The following MIS18A variants were observed in gnomAD, a reference collection of about 807,000 sequenced individuals.
MIS18A encodes the protein protein Mis18-alpha.
A neutral mutation model predicts 25.0 loss-of-function variants in MIS18A; 14 were observed. The ratio of observed to expected loss-of-function variants is 0.56; its 90% CI spans 0.37 to 0.88. The LOEUF (loss-of-function observed/expected upper bound fraction) is 0.88. Among genes scored for constraint, MIS18A ranks in the 40% least tolerant of loss-of-function variants. The pLI, the probability that MIS18A is intolerant of heterozygous loss-of-function variation, is 0.00. For synonymous variants in MIS18A, 134 were observed against 118.6 expected, an observed-to-expected ratio of 1.13 and a Z score of -0.84; for missense variants, 292 against 290.8, an observed-to-expected ratio of 1.00 and a Z score of -0.03.
chr21:32,174,748 T>G, the MIS18A span, among the ~76,000 whole-genome samples: 1 of 145,932 alleles, frequency 6.9e-6, no homozygotes, highest in East Asian at 2.0e-4. Flanking sequence ...TGATGAAAAC[T>G]TGAACATGAT....
the MIS18A span, among the ~76,000 whole-genome samples, chr21:32,236,601 C>T: frequency 6.6e-6 from 1 of 152,180 alleles, no homozygotes; most frequent in Non-Finnish European, 1.5e-5. Context: ...CAGAGCATCA[C>T]TCTTGTCTGG....
At chr21:32,219,851 A>G in the MIS18A span, among the ~76,000 whole-genome samples, 1 of 152,166 alleles carries the variant, frequency 6.6e-6, no homozygotes, top group African/African-American at 2.4e-5. Context: ...GTGTAAACAA[A>G]GCCTTAGGGA....
downstream of MIS18A, among the ~76,000 whole-genome samples, chr21:32,265,214 G>T (rs2031570791): frequency 6.6e-6 from 1 of 152,172 alleles, no homozygotes; most frequent in Non-Finnish European, 1.5e-5. Context: ...CCCCTGCCTG[G>T]GCTCCCACTT....
the MIS18A span, among the ~76,000 whole-genome samples, chr21:32,198,712 G>A: frequency 6.6e-6 from 1 of 152,234 alleles, no homozygotes; most frequent in East Asian, 1.9e-4. Context: ...GGCCCCAGAG[G>A]GCAAAGGGGC....
At chr21:32,217,962 G>A in the MIS18A span, among the ~76,000 whole-genome samples, 330 of 152,174 alleles carry the variant, frequency 2.2e-3, 3 homozygotes, top group African/African-American at 7.2e-3. Flanking sequence ...GGGAGGCTGA[G>A]GCGGGCGGAT....
At chr21:32,220,576 C>T in the MIS18A span, among the ~76,000 whole-genome samples, 1 of 152,050 alleles carries the variant, frequency 6.6e-6, no homozygotes, top group East Asian at 1.9e-4. Context: ...TCTTCTCCTC[C>T]AAAAGATCAC....
At chr21:32,252,239 A>AAGAAAG in the MIS18A span, among the ~76,000 whole-genome samples, 3 of 57,084 alleles carry the variant, frequency 5.3e-5, no homozygotes, top group Non-Finnish European at 1.0e-4. Context: ...GAAGAAGAAG[A>AAGAAAG]AGGAGGAGGA....
chr21:32,231,006 G>A, the MIS18A span, among the ~76,000 whole-genome samples: 1 of 151,928 alleles, frequency 6.6e-6, no homozygotes, highest in Admixed American at 6.6e-5. Context: ...AGGCTGAGGT[G>A]GGCAGACCAC....
At chr21:32,217,086 T>C in the MIS18A span, among the ~76,000 whole-genome samples, 1 of 151,824 alleles carries the variant, frequency 6.6e-6, no homozygotes, top group African/African-American at 2.4e-5. Flanking sequence ...TTATGAGACA[T>C]ACAAAGAAAC....
At chr21:32,255,301 G>A in the MIS18A span, among the ~76,000 whole-genome samples, 1 of 151,706 alleles carries the variant, frequency 6.6e-6, no homozygotes, top group African/African-American at 2.4e-5. Context: ...TGTAATCTTG[G>A]CTCACTGCAA....
At chr21:32,278,094 A>C (rs2031849797) in intron 1 of MIS18A, 2 of 152,336 alleles carry the variant, frequency 1.3e-5, no homozygotes, top group African/African-American at 4.8e-5. Context: ...GGTAAGAGGT[A>C]ACTGCTAGAA....
At chr21:32,154,989 A>G in the MIS18A span, among the ~76,000 whole-genome samples, 2 of 152,258 alleles carry the variant, frequency 1.3e-5, no homozygotes, top group African/African-American at 2.4e-5. Flanking sequence ...TTTTTGTTAC[A>G]GACTTACAGC....
chr21:32,269,644 G>A (rs777336738), intron 4 of MIS18A, 63 bp downstream of exon 4: 66 of 931,462 alleles, frequency 7.1e-5, no homozygotes, highest in East Asian at 2.8e-4. Flanking sequence ...TCGTTTGTGG[G>A]GGAGCACTTC....
chr21:32,264,599 CT>C (rs926859362), downstream of MIS18A, among the ~76,000 whole-genome samples: 4 of 152,252 alleles, frequency 2.6e-5, no homozygotes, highest in African/African-American at 4.8e-5. Context: ...TGATTTGCCC[CT>C]GATCACATGG....
At chr21:32,186,814 A>G in the MIS18A span, among the ~76,000 whole-genome samples, 2 of 152,302 alleles carry the variant, frequency 1.3e-5, no homozygotes, top group South Asian at 4.1e-4. Flanking sequence ...ATTCAAGGCA[A>G]TGGTTGGCGA....
chr21:32,237,673 G>A, the MIS18A span, among the ~76,000 whole-genome samples: 170 of 152,254 alleles, frequency 1.1e-3, no homozygotes, highest in Non-Finnish European at 1.9e-3. Context: ...CTTTGAGGAC[G>A]AAGCCCTGCC....
chr21:32,172,843 C>T, the MIS18A span, among the ~76,000 whole-genome samples: 3 of 152,074 alleles, frequency 2.0e-5, no homozygotes, highest in Admixed American at 6.5e-5. Context: ...AAGAGTCTAA[C>T]ACAATCCAAT....
At chr21:32,248,777 T>A in the MIS18A span, among the ~76,000 whole-genome samples, 1 of 152,182 alleles carries the variant, frequency 6.6e-6, no homozygotes, top group African/African-American at 2.4e-5. Context: ...CCAGGGCAGC[T>A]ACTTCCCCAG....
the MIS18A span, among the ~76,000 whole-genome samples, chr21:32,238,077 G>A: frequency 6.3e-4 from 96 of 152,272 alleles, 4 homozygotes; most frequent in South Asian, 0.018. Flanking sequence ...CAAAAGGAGA[G>A]GGGAGAATGG....
Sources: allele counts gnomAD v4.1 joint callset (sites outside exome capture counted in the v4.1 genomes callset), GRCh38; gene constraint gnomAD v4.1.1; transcripts MANE v1.5; gene names NCBI Gene and HGNC (gene_info 2026-07-23, HGNC 2026-07-21).